ADGRV1: variants seen among roughly 807,000 people sequenced by gnomAD.
ADGRV1 encodes the protein adhesion G protein-coupled receptor V1, also known as G-protein coupled receptor 98.
A neutral mutation model predicts 596.2 loss-of-function variants in ADGRV1; 359 were observed. The ratio of observed to expected loss-of-function variants is 0.60; its 90% CI spans 0.55 to 0.66. The LOEUF (loss-of-function observed/expected upper bound fraction) is 0.66. Ranked by LOEUF, ADGRV1 falls within the 30% of genes least tolerant of loss-of-function variation. ADGRV1 has a pLI of 0.00. For synonymous variants in ADGRV1, 2,681 were observed against 2,679.2 expected (o/e 1.00, Z -0.02); for missense variants, 7,274 against 7,575.6 (o/e 0.96, Z 1.48).
At chr5:90,727,814 A>G (rs959383844) in intron 48 of ADGRV1, among the ~76,000 whole-genome samples, 2 of 152,158 alleles carry the variant, frequency 1.3e-5, no homozygotes, top group Admixed American at 6.5e-5. Context: ...TCCCAGCACT[A>G]TCAGATTCCT....
chr5:90,664,625 C>T (rs1372607356), intron 21 of ADGRV1, among the ~76,000 whole-genome samples: 1 of 137,424 alleles, frequency 7.3e-6, no homozygotes, highest in East Asian at 2.2e-4. Flanking sequence ...TGCCTAATTG[C>T]CCTGGCCAGA....
At chr5:90,797,649 T>C (rs1333239224) in intron 70 of ADGRV1, among the ~76,000 whole-genome samples, 1 of 152,122 alleles carries the variant, frequency 6.6e-6, no homozygotes, top group Non-Finnish European at 1.5e-5. Context: ...TACAGGTATC[T>C]CCACCCCAAA....
At chr5:90,816,532 G>C (rs1762910882) in intron 75 of ADGRV1, among the ~76,000 whole-genome samples, 1 of 151,286 alleles carries the variant, frequency 6.6e-6, no homozygotes, top group Non-Finnish European at 1.5e-5. Context: ...TTTAGCATTA[G>C]GTATATCTCC....
chr5:90,657,436 T>A (rs1156659463), intron 20 of ADGRV1, among the ~76,000 whole-genome samples: 1 of 151,966 alleles, frequency 6.6e-6, no homozygotes, highest in Non-Finnish European at 1.5e-5. Context: ...CAAGATCTTG[T>A]CTCTAAAGTA....
At chr5:90,657,845 T>C (rs995830533) in intron 20 of ADGRV1, 60 bp from the exon 21 acceptor site, 4 of 1,453,838 alleles carry the variant, frequency 2.8e-6, no homozygotes, top group Non-Finnish European at 3.6e-6. Context: ...GAATCACACG[T>C]AAAATTTAGG....
intron 86 of ADGRV1, among the ~76,000 whole-genome samples, chr5:91,085,885 C>A (rs758169367): frequency 3.9e-5 from 6 of 152,186 alleles, no homozygotes; most frequent in Non-Finnish European, 7.4e-5. Context: ...GTAGTTCATA[C>A]AAGTTGCCTG....
intron 87 of ADGRV1, among the ~76,000 whole-genome samples, chr5:91,142,648 A>G (rs766415815): frequency 6.6e-6 from 1 of 152,122 alleles, no homozygotes; most frequent in Non-Finnish European, 1.5e-5. Context: ...AGTCTTTCCT[A>G]TCTCATACGG....
At chr5:91,022,636 G>A (rs1189958604) in intron 85 of ADGRV1, among the ~76,000 whole-genome samples, 1 of 151,994 alleles carries the variant, frequency 6.6e-6, no homozygotes, top group East Asian at 1.9e-4. Context: ...CTGAGAGTTC[G>A]GTTTGGCCTG....
chr5:90,690,350 G>A (rs1251466269), intron 30 of ADGRV1, among the ~76,000 whole-genome samples: 2 of 152,126 alleles, frequency 1.3e-5, no homozygotes, highest in Admixed American at 6.6e-5. Context: ...TGAGTCTTAG[G>A]CAATTCTTTA....
rs548497029 is a variant in ADGRV1, at chr5:90,558,835, G to A, written c.-61G>A. ...AGCAGCGCGGGCAAGGAGTACGGAC[G>A]GGAGTCAGAGGCAGAGCGAGGGTGT... is the stretch of plus-strand genomic sequence containing the variant. On this transcript the variant is annotated 5_prime_UTR_variant, in exon 1 of 90. Coordinates refer to ENST00000405460, the MANE Select transcript of ADGRV1 (RefSeq NM_032119.4). The A allele has an allele frequency of 1.3e-6, 2 of 1,527,682 alleles. No homozygotes were observed. The highest frequency in any genetic ancestry group is 1.8e-6 in the Non-Finnish European group (2 of 1,123,482). The allele number at this position is 1,527,682 out of a possible 1,614,324, so 94.6% of individuals were successfully genotyped here. A position where few individuals can be genotyped will look rare whatever the true frequency, so the allele number is the denominator to read the frequency against.
At chr5:90,676,939 G>A (rs73181664) in intron 25 of ADGRV1, 5,226 of 152,242 alleles carry the variant, frequency 0.034, 176 homozygotes, top group African/African-American at 0.091. Flanking sequence ...ACTCATCTGC[G>A]CTAAGTGAGG....
chr5:90,751,693 A>G (rs1755272291), intron 53 of ADGRV1, among the ~76,000 whole-genome samples: 1 of 152,164 alleles, frequency 6.6e-6, no homozygotes, highest in Admixed American at 6.6e-5. Context: ...GCTTCTCTGA[A>G]GAGTTCTTTT....
At chr5:90,993,894 AGGC>A (rs1030253349) in intron 85 of ADGRV1, among the ~76,000 whole-genome samples, 1 of 151,798 alleles carries the variant, frequency 6.6e-6, no homozygotes, top group African/African-American at 2.4e-5. Flanking sequence ...CAAAAATCTA[AGGC>A]TATGTTAATT....
At chr5:90,920,093 G>A (rs1280581813) in intron 83 of ADGRV1, among the ~76,000 whole-genome samples, 2 of 151,826 alleles carry the variant, frequency 1.3e-5, no homozygotes, top group Admixed American at 6.6e-5. Context: ...ACCATGGGCT[G>A]TGTGGCTTAT....
intron 13 of ADGRV1, 145 bp from the exon 14 acceptor site, chr5:90,643,658 G>A: frequency 1.8e-6 from 1 of 548,174 alleles, no homozygotes; most frequent in Non-Finnish European, 3.1e-6. Context: ...AATTTTTAAA[G>A]AAATGATACC....
chr5:90,960,333 G>A (rs529146473), intron 83 of ADGRV1, among the ~76,000 whole-genome samples: 2 of 152,106 alleles, frequency 1.3e-5, no homozygotes, highest in South Asian at 4.2e-4. Flanking sequence ...ACCTTTTATT[G>A]TCTGTCAATC....
intron 50 of ADGRV1, among the ~76,000 whole-genome samples, chr5:90,732,146 A>G (rs1752632373): frequency 6.6e-6 from 1 of 152,146 alleles, no homozygotes; most frequent in Non-Finnish European, 1.5e-5. Flanking sequence ...GACTACAGGC[A>G]TGCTCCATCA....
In ADGRV1 at chr5:90,815,650, CA is replaced by C; in HGVS notation, c.16111del (p.Ser5371ValfsTer8). On this transcript the variant is annotated frameshift_variant, in exon 75 of 90. Transcript: ENST00000405460. LOFTEE classifies it high-confidence loss of function. ...SDLHNGIIGFSEESQSGLELR... is the reference protein window; with the variant it reads ...SDLHNGIIGFXEESQSGLELR... ...ACCTTCACAATGGCATCATAGGATT[CA>C]GTGAGGAGTCCCAGAGTGGACTAGA... The C allele has an allele frequency of 5.1e-6, 8 of 1,575,534 alleles. No homozygotes were observed. The highest frequency in any genetic ancestry group is 6.9e-6 in the Non-Finnish European group (8 of 1,158,740).
chr5:91,014,176 C>CACACACACACACACACA (rs56292568), intron 85 of ADGRV1, among the ~76,000 whole-genome samples: 8,966 of 123,934 alleles, frequency 0.072, 1,254 homozygotes, highest in Non-Finnish European at 0.08. Context: ...ACACACACAC[C>CACACACACACACACACA]CCTAGACATA....
Sources: allele counts gnomAD v4.1 joint callset (sites outside exome capture counted in the v4.1 genomes callset), GRCh38; gene constraint gnomAD v4.1.1; transcripts MANE v1.5; gene names NCBI Gene and HGNC (gene_info 2026-07-23, HGNC 2026-07-21).